TANC2: variants seen among roughly 807,000 people sequenced by gnomAD.
TANC2 encodes the protein protein TANC2.
Under a neutral mutation model 210.5 loss-of-function variants are expected in TANC2, and 26 were observed. The observed-to-expected ratio is 0.12, with a 90% CI of 0.09 to 0.17. The LOEUF is 0.17. TANC2 is among the 10% of genes least tolerant of loss of function. The pLI is 1.00. For missense variants in TANC2, 2,129 were observed against 2,608.9 expected, an observed-to-expected ratio of 0.82 and a Z score of 4.01; for synonymous variants, 931 against 967.1, an observed-to-expected ratio of 0.96 and a Z score of 0.69.
chr17:63,230,660 A>G (rs543287857), intron 7 of TANC2, among the ~76,000 whole-genome samples: 3 of 152,200 alleles, frequency 2.0e-5, no homozygotes, highest in South Asian at 2.1e-4. Flanking sequence ...GCTCTTTTGC[A>G]TTTCCTGAGG....
At chr17:63,013,044 C>G (rs1029256063) in intron 2 of TANC2, among the ~76,000 whole-genome samples, 4 of 151,056 alleles carry the variant, frequency 2.6e-5, no homozygotes, top group African/African-American at 9.7e-5. Flanking sequence ...ATTTTGCCTT[C>G]ATTTTTGTAG....
intron 6 of TANC2, among the ~76,000 whole-genome samples, chr17:63,199,338 G>T (rs1450281055): frequency 6.6e-6 from 1 of 152,054 alleles, no homozygotes; most frequent in African/African-American, 2.4e-5. Context: ...ACGATAAAAT[G>T]TTGGCCGGGT....
intron 7 of TANC2, among the ~76,000 whole-genome samples, chr17:63,209,571 T>C (rs1456963426): frequency 6.6e-6 from 1 of 152,100 alleles, no homozygotes; most frequent in Non-Finnish European, 1.5e-5. Context: ...GTGGCTGGGA[T>C]TACAGGCACG....
At chr17:63,161,941 C>T (rs951854302) in intron 5 of TANC2, among the ~76,000 whole-genome samples, 3 of 152,108 alleles carry the variant, frequency 2.0e-5, no homozygotes, top group Non-Finnish European at 2.9e-5. Flanking sequence ...TGCATTGACA[C>T]TATTAAAATT....
Position 63,420,562 on chromosome 17 carries a change from A to C in TANC2, c.4832A>C (p.Glu1611Ala). 2 of 1,613,892 alleles carry C rather than the reference A, an allele frequency of 1.2e-6. No homozygotes were observed. The highest frequency in any genetic ancestry group is 1.7e-6 in the Non-Finnish European group (2 of 1,179,840). ...CCTCCTGTGGGAGGACAGGGCAAAG[A>C]ATACCCAAGCCCTCCCCCTTCCCCT... Residue 1611 changes from glutamate (E) to alanine (A), a missense_variant, in exon 28 of 28, where the codon GAA becomes GCA. Transcript: ENST00000689528. This position sits in a 1 kb window ranked among gnomAD's most constrained non-coding sequence, Gnocchi z 4.2.
At chr17:63,171,050 C>T (rs2040386976) in intron 5 of TANC2, among the ~76,000 whole-genome samples, 1 of 148,460 alleles carries the variant, frequency 6.7e-6, no homozygotes, top group South Asian at 2.2e-4. Flanking sequence ...CATCCAGCCA[C>T]AAATCCCAAA....
chr17:63,177,274 A>AC (rs1190270022), intron 5 of TANC2, among the ~76,000 whole-genome samples: 1 of 151,590 alleles, frequency 6.6e-6, no homozygotes, highest in Non-Finnish European at 1.5e-5. Context: ...CAAAAAAAAA[A>AC]AAAAAAAAAC....
intron 4 of TANC2, among the ~76,000 whole-genome samples, chr17:63,100,492 T>C (rs1017656557): frequency 6.6e-6 from 1 of 152,148 alleles, no homozygotes; most frequent in Non-Finnish European, 1.5e-5. Flanking sequence ...TATCCTGAAA[T>C]ACCAGTTCCC....
chr17:62,990,605 C>T (rs1020651137), intron 1 of TANC2, among the ~76,000 whole-genome samples: 7 of 151,964 alleles, frequency 4.6e-5, no homozygotes, highest in Non-Finnish European at 7.4e-5. Context: ...TTTTTAAAGA[C>T]GGGAGCATCT....
At chr17:63,004,385 A>G (rs2033519460) in intron 1 of TANC2, among the ~76,000 whole-genome samples, 1 of 152,130 alleles carries the variant, frequency 6.6e-6, no homozygotes, top group Non-Finnish European at 1.5e-5. Context: ...TTGTTTTTTC[A>G]TACCACGTGG....
At chr17:63,167,551 A>C (rs2040251129) in intron 5 of TANC2, among the ~76,000 whole-genome samples, 1 of 152,156 alleles carries the variant, frequency 6.6e-6, no homozygotes, top group Admixed American at 6.6e-5. Flanking sequence ...CCTTTTAAAA[A>C]ACTGATGAAA....
intron 8 of TANC2, among the ~76,000 whole-genome samples, chr17:63,250,307 TATGA>T (rs1193563468): frequency 6.6e-6 from 1 of 151,996 alleles, no homozygotes; most frequent in African/African-American, 2.4e-5. Flanking sequence ...TTTATTTATT[TATGA>T]ATGAATGAAT....
intron 26 of TANC2, among the ~76,000 whole-genome samples, chr17:63,416,971 C>CA (rs1391310228): frequency 1.1e-4 from 17 of 152,334 alleles, no homozygotes; most frequent in Admixed American, 1.0e-3. Flanking sequence ...GCTGCCAACC[C>CA]ACTGATCTCT....
chr17:62,975,314 A>G (rs1204930995), intron 1 of TANC2, among the ~76,000 whole-genome samples: 1 of 152,142 alleles, frequency 6.6e-6, no homozygotes, highest in Admixed American at 6.6e-5. Context: ...TAGTTAGGTT[A>G]TAGGTTATAG....
At chr17:63,181,471 A>G (rs1332793920) in intron 5 of TANC2, among the ~76,000 whole-genome samples, 1 of 152,198 alleles carries the variant, frequency 6.6e-6, no homozygotes, top group East Asian at 1.9e-4. Flanking sequence ...GAAGGGAGAA[A>G]GTTGTATTGT....
At chr17:63,211,232 C>T (rs906696042) in intron 7 of TANC2, among the ~76,000 whole-genome samples, 3 of 152,130 alleles carry the variant, frequency 2.0e-5, no homozygotes, top group Non-Finnish European at 2.9e-5. Flanking sequence ...AAAGTCTGAC[C>T]ATATCACTCT....
chr17:63,240,862 A>G (rs2042754834), intron 8 of TANC2, among the ~76,000 whole-genome samples: 1 of 152,182 alleles, frequency 6.6e-6, no homozygotes, highest in Non-Finnish European at 1.5e-5. Flanking sequence ...TCTTCTAGAA[A>G]GCATTCTCTT....
chr17:62,998,743 C>T (rs1214816173), intron 1 of TANC2, among the ~76,000 whole-genome samples: 2 of 152,188 alleles, frequency 1.3e-5, no homozygotes, highest in African/African-American at 4.8e-5. Flanking sequence ...TACAAGAGGT[C>T]CTCAAGGGAG....
intron 9 of TANC2, among the ~76,000 whole-genome samples, chr17:63,300,403 TC>T (rs1206907709): frequency 6.6e-6 from 1 of 152,214 alleles, no homozygotes; most frequent in Non-Finnish European, 1.5e-5. Flanking sequence ...TATTGATTCT[TC>T]CTATCCATGA....
Sources: allele counts gnomAD v4.1 joint callset (sites outside exome capture counted in the v4.1 genomes callset), GRCh38; gene constraint gnomAD v4.1.1; non-coding constraint Gnocchi (gnomAD v3.1); transcripts MANE v1.5; gene names NCBI Gene and HGNC (gene_info 2026-07-23, HGNC 2026-07-21).